STAMBPL1: variants seen among roughly 807,000 people sequenced by gnomAD.
STAMBPL1 encodes STAM binding protein like 1.
STAMBPL1 carries 44 observed loss-of-function variants against 52.9 expected under a neutral mutation model. The ratio of observed to expected loss-of-function variants is 0.83; its 90% CI spans 0.65 to 1.07. The LOEUF is 1.07. Ranked by LOEUF, STAMBPL1 falls within the 50% of genes least tolerant of loss-of-function variation. STAMBPL1 has a pLI of 0.00. For missense variants in STAMBPL1, 511 were observed against 520.8 expected (o/e 0.98, Z 0.18); for synonymous variants, 164 against 177.3 (o/e 0.92, Z 0.60).
intron 1 of STAMBPL1, among the ~76,000 whole-genome samples, chr10:88,888,493 T>C (rs1252247303): frequency 6.6e-6 from 1 of 152,212 alleles, no homozygotes; most frequent in Non-Finnish European, 1.5e-5. Context: ...GGACTGACTT[T>C]CAAGGGTTTA....
Position 88,922,267 on chromosome 10 carries a change from T to C in STAMBPL1, c.1155-70T>C. The C allele has an allele frequency of 2.1e-6, 3 of 1,414,760 alleles. No individual in the cohort carries two copies. The Admixed American group carries it at 5.1e-5, about 24-fold the overall frequency. 87.6% of individuals were successfully genotyped at this position (1,414,760 alleles called of 1,614,324 possible). On this transcript the variant is annotated intron_variant, in intron 9 of 10. Coordinates refer to ENST00000371926, the MANE Select transcript of STAMBPL1 (RefSeq NM_020799.4). ...CTGAGGAATATGTATGTGTGTGCTG[T>C]TCAAATAAAGCATCTGGAATGCCCA...
intron 4 of STAMBPL1, among the ~76,000 whole-genome samples, chr10:88,910,063 T>A (rs1845180072): frequency 6.6e-6 from 1 of 152,142 alleles, no homozygotes; most frequent in Non-Finnish European, 1.5e-5. Context: ...TAACTTAGGG[T>A]TATGCTTATT....
chr10:88,921,579 C>T (rs1486250191), intron 9 of STAMBPL1, among the ~76,000 whole-genome samples, 184 bp downstream of exon 9: 2 of 152,160 alleles, frequency 1.3e-5, no homozygotes, highest in Non-Finnish European at 2.9e-5. Context: ...CTTTCAGTGG[C>T]AGAATTACTG....
chr10:88,918,662 T>G (rs1028131787), intron 8 of STAMBPL1, among the ~76,000 whole-genome samples: 3 of 152,230 alleles, frequency 2.0e-5, no homozygotes, highest in Non-Finnish European at 2.9e-5. Context: ...AATTGCTATA[T>G]TATTTAGCTT....
chr10:88,907,308 C>T (rs1277703248), intron 3 of STAMBPL1, among the ~76,000 whole-genome samples: 5 of 152,186 alleles, frequency 3.3e-5, no homozygotes, highest in Non-Finnish European at 7.3e-5. Flanking sequence ...GCATTTTATT[C>T]AAGTTACTGA....
chr10:88,916,143 G>T (rs1564633581), intron 7 of STAMBPL1, among the ~76,000 whole-genome samples: 1 of 152,036 alleles, frequency 6.6e-6, no homozygotes, highest in East Asian at 1.9e-4. Flanking sequence ...AATTACAGAA[G>T]ATCCTAGTAA....
intron 1 of STAMBPL1, among the ~76,000 whole-genome samples, chr10:88,887,838 T>C (rs1844576807): frequency 6.6e-6 from 1 of 152,192 alleles, no homozygotes; most frequent in Admixed American, 6.5e-5. Context: ...CTTTTAACAA[T>C]CTTCTCAGGA....
At chr10:88,908,864 C>A in intron 4 of STAMBPL1, 87 bp downstream of exon 4, 1 of 1,125,360 alleles carries the variant, frequency 8.9e-7, no homozygotes, top group Non-Finnish European at 1.2e-6. Flanking sequence ...TCCCCTTTCT[C>A]TTTCTCTTGA....
chr10:88,901,727 G>C lies in STAMBPL1; in HGVS notation c.19G>C (p.Val7Leu). 1 of 1,612,344 alleles carries C rather than the reference G, an allele frequency of 6.2e-7. No homozygotes were observed. The highest frequency in any genetic ancestry group is 8.5e-7 in the Non-Finnish European group (1 of 1,179,296). The change falls in exon 2 of 11, where the codon GTG (valine) becomes CTG (leucine). Residue 7 changes from valine (V) to leucine (L), a missense_variant. Val to Leu is a conservative substitution (Grantham distance 32). Transcript: ENST00000371926. Reference protein sequence around the residue: MDQPFTVNSLKKLAAMP... With the variant: MDQPFTLNSLKKLAAMP... ...AGACAACATGGATCAGCCTTTTACT[G>C]TGAATTCTCTGGTAGGTCACACCAG...
intron 5 of STAMBPL1, among the ~76,000 whole-genome samples, chr10:88,911,362 A>G (rs540158404): frequency 3.3e-5 from 5 of 152,190 alleles, no homozygotes; most frequent in Admixed American, 2.0e-4. Context: ...GGAGAGCAGT[A>G]TATGGTTTCT....
chr10:88,911,094 CA>C lies in STAMBPL1; in HGVS notation c.420+86del, dbSNP rs966738163. ...TTTCATTTTTATGTGATGAGTTTTTCAAATGTTTTGTGCATTTAAATTAAAA... is the reference window on the plus strand; with the variant it reads ...TTTCATTTTTATGTGATGAGTTTTTCAATGTTTTGTGCATTTAAATTAAAA... On this transcript the variant is annotated intron_variant, in intron 5 of 10. Coordinates refer to ENST00000371926, the MANE Select transcript of STAMBPL1 (RefSeq NM_020799.4). The C allele has an allele frequency of 8.0e-5, 74 of 920,962 alleles. 1 individual carries two copies. In the African/African-American group the frequency reaches 1.2e-3, roughly 15 times the overall value. 57.0% of individuals were successfully genotyped at this position (920,962 alleles called of 1,614,324 possible).
intron 6 of STAMBPL1, 81 bp downstream of exon 6, chr10:88,913,539 T>C (rs1251170546): frequency 9.0e-6 from 11 of 1,220,558 alleles, no homozygotes; most frequent in African/African-American, 1.5e-5. Flanking sequence ...GGAGGGTCCT[T>C]CTCATTTCAT....
In STAMBPL1 at chr10:88,923,149, C is replaced by T. The variant is rs1408311982; in HGVS notation, c.1255-19C>T. 1 of 1,588,800 alleles carries T rather than the reference C, an allele frequency of 6.3e-7. No homozygotes were observed. Among genetic ancestry groups the T allele is most frequent in the Non-Finnish European group, 8.6e-7 (1 of 1,166,238 alleles). On this transcript the variant is annotated intron_variant, in intron 10 of 10. Transcript: ENST00000371926. ...TGGTGAAATCAAACATATGGTAAAA[C>T]CAATTTTTTCTTTCCTAGATATGCA...
chr10:88,920,897 A>G (rs1039046698), intron 8 of STAMBPL1, among the ~76,000 whole-genome samples: 7 of 152,276 alleles, frequency 4.6e-5, no homozygotes, highest in African/African-American at 1.7e-4. Context: ...CAGCCGTGTG[A>G]CCACAGGCAC....
intron 1 of STAMBPL1, among the ~76,000 whole-genome samples, chr10:88,896,197 A>G: frequency 1.3e-5 from 2 of 152,370 alleles, no homozygotes; most frequent in East Asian, 3.9e-4. Flanking sequence ...ATGTCACAGC[A>G]TATTTCTGAT....
At chr10:88,899,985 G>A (rs1460973585) in intron 1 of STAMBPL1, among the ~76,000 whole-genome samples, 2 of 152,060 alleles carry the variant, frequency 1.3e-5, no homozygotes, top group Non-Finnish European at 2.9e-5. Context: ...AGTTGGGATT[G>A]CCTACATTCA....
At chr10:88,916,632 T>A (rs755807419) in intron 7 of STAMBPL1, 48 bp from the exon 8 acceptor site, 2 of 1,550,322 alleles carry the variant, frequency 1.3e-6, no homozygotes, top group Non-Finnish European at 1.7e-6. Flanking sequence ...CAGTTATTTT[T>A]TTTTTTTCTG....
intron 1 of STAMBPL1, 38 bp from the exon 2 acceptor site, chr10:88,901,618 A>G (rs1844944692): frequency 1.4e-6 from 2 of 1,444,184 alleles, no homozygotes; most frequent in South Asian, 1.3e-5. Context: ...TTGGGTCTCA[A>G]AAAATAACTT....
chr10:88,885,011 A>G (rs1413184607), intron 1 of STAMBPL1, among the ~76,000 whole-genome samples: 1 of 152,218 alleles, frequency 6.6e-6, no homozygotes, highest in Non-Finnish European at 1.5e-5. Context: ...ATTAAGTGCT[A>G]TATGTGTTCG....
Sources: gnomAD v4.1 joint callset for allele counts (sites outside exome capture counted in the v4.1 genomes callset) on GRCh38, gnomAD v4.1.1 for gene constraint, MANE v1.5 for transcripts, NCBI Gene and HGNC (gene_info 2026-07-23, HGNC 2026-07-21) for gene names.